The following ERC1 variants were observed in gnomAD, a reference collection of about 807,000 sequenced individuals.
ERC1 encodes the protein ELKS/RAB6-interacting/CAST family member 1, also known as RAB6 interacting protein 2.
In ERC1, 56 loss-of-function variants were observed where a neutral mutation model predicts 132.0. The observed-to-expected ratio is 0.42, with a 90% confidence interval of 0.34 to 0.53. The LOEUF is 0.53. Among genes scored for constraint, ERC1 ranks in the 20% least tolerant of loss-of-function variants. The pLI, the probability that ERC1 is intolerant of heterozygous loss-of-function variation, is 0.03. For missense variants in ERC1, 1,202 were observed against 1,349.9 expected (o/e 0.89, Z 1.72); for synonymous variants, 478 against 476.1 (o/e 1.00, Z -0.05).
At position 1,440,493 on chromosome 12, in the gene ERC1, A is replaced by G. The variant is rs992415229; in HGVS notation, c.3025-4069A>G. On this transcript the variant is annotated intron_variant, in intron 17 of 18. Transcript: ENST00000360905. ...AGTGCTGCGATTACAGGTGTGAGCCACCGCGCCCGGCCTTTTTTTTTTTTT... is the reference window on the plus strand; with the variant it reads ...AGTGCTGCGATTACAGGTGTGAGCCGCCGCGCCCGGCCTTTTTTTTTTTTT... 5.8e-5 allele frequency among the ~76,000 whole-genome samples: 8 copies of G among 138,258 alleles called. No individual in the cohort carries two copies. The South Asian group carries it at 1.6e-3, about 27-fold the overall frequency. 90.7% of individuals were successfully genotyped at this position (138,258 alleles called of 152,430 possible).
At chr12:1,299,441 C>T (rs528837767) in intron 15 of ERC1, among the ~76,000 whole-genome samples, 21 of 152,236 alleles carry the variant, frequency 1.4e-4, no homozygotes, top group Admixed American at 9.2e-4. Flanking sequence ...TGTTAGGACT[C>T]GTTTTGAACT....
At chr12:1,060,891 A>T (rs1381245664) in intron 2 of ERC1, among the ~76,000 whole-genome samples, 3 of 140,196 alleles carry the variant, frequency 2.1e-5, no homozygotes, top group African/African-American at 7.6e-5. Context: ...ACGCCTGGCT[A>T]ATTTTTTTTG....
intron 2 of ERC1, among the ~76,000 whole-genome samples, chr12:1,029,301 G>C (rs962912480): frequency 6.6e-6 from 1 of 152,052 alleles, no homozygotes; most frequent in African/African-American, 2.4e-5. Flanking sequence ...GCAGTGAGCT[G>C]AGATCCCGCC....
At chr12:1,231,245 C>G (rs557258203) in intron 12 of ERC1, among the ~76,000 whole-genome samples, 1 of 151,920 alleles carries the variant, frequency 6.6e-6, no homozygotes, top group Non-Finnish European at 1.5e-5. Flanking sequence ...CATAAGATAT[C>G]TTAGGCTGTT....
At chr12:1,435,130 G>T (rs1335446061) in intron 17 of ERC1, among the ~76,000 whole-genome samples, 1 of 152,090 alleles carries the variant, frequency 6.6e-6, no homozygotes, top group Non-Finnish European at 1.5e-5. Context: ...ATCTATTCAT[G>T]GTATATAAAA....
chr12:1,444,860 G>A, intron 18 of ERC1, 110 bp downstream of exon 18: 1 of 929,074 alleles, frequency 1.1e-6, no homozygotes, highest in Non-Finnish European at 1.6e-6. Flanking sequence ...AGTTGATGCA[G>A]TGGGGGCTAC....
chr12:1,010,684 T>TTTA (rs369604791), intron 1 of ERC1, among the ~76,000 whole-genome samples: 2,230 of 151,698 alleles, frequency 0.015, 25 homozygotes, highest in Non-Finnish European at 0.022. Flanking sequence ...CTAATTTTTT[T>TTTA]TTATTATTAT....
intron 18 of ERC1, among the ~76,000 whole-genome samples, chr12:1,480,307 T>C (rs1011352694): frequency 2.0e-5 from 3 of 152,320 alleles, no homozygotes; most frequent in East Asian, 3.9e-4. Flanking sequence ...TGTTTTGTTA[T>C]TGTTTGTTTT....
chr12:1,338,818 C>A (rs1344996376), intron 15 of ERC1, among the ~76,000 whole-genome samples: 1 of 152,132 alleles, frequency 6.6e-6, no homozygotes, highest in African/African-American at 2.4e-5. Context: ...AGGGGGCCAA[C>A]ACTCAGCTCT....
chr12:1,263,570 G>A (rs555780766), intron 14 of ERC1, among the ~76,000 whole-genome samples: 1 of 152,326 alleles, frequency 6.6e-6, no homozygotes, highest in African/African-American at 2.4e-5. Context: ...TATTTATGTA[G>A]CATGTGCTAA....
intron 5 of ERC1, 69 bp from the exon 6 acceptor site, chr12:1,112,146 C>A: frequency 1.0e-6 from 1 of 994,796 alleles, no homozygotes; most frequent in Non-Finnish European, 1.6e-6. Flanking sequence ...TACCATTCTG[C>A]CTCAAAAGTA....
intron 1 of ERC1, among the ~76,000 whole-genome samples, chr12:1,010,092 T>C (rs1964433390): frequency 6.6e-6 from 1 of 152,204 alleles, no homozygotes; most frequent in South Asian, 2.1e-4. Context: ...AGTACACATA[T>C]AAAGAATTAC....
intron 2 of ERC1, among the ~76,000 whole-genome samples, chr12:1,033,608 CGT>C (rs1968496965): frequency 6.6e-6 from 1 of 151,826 alleles, no homozygotes; most frequent in African/African-American, 2.4e-5. Context: ...GGATTACAGG[CGT>C]GTGCCACCAT....
At chr12:1,401,037 G>A (rs189761139) in intron 16 of ERC1, among the ~76,000 whole-genome samples, 29 of 135,454 alleles carry the variant, frequency 2.1e-4, no homozygotes, top group African/African-American at 6.5e-4. Flanking sequence ...CCGGGTTCAC[G>A]CCATTCTCCT....
At chr12:1,187,475 CT>C (rs1020796358) in intron 11 of ERC1, among the ~76,000 whole-genome samples, 38 of 151,902 alleles carry the variant, frequency 2.5e-4, no homozygotes, top group African/African-American at 8.7e-4. Flanking sequence ...TTGTGTTTCC[CT>C]GGCAGGTCTT....
chr12:1,203,139 C>T (rs1490598474), intron 12 of ERC1, among the ~76,000 whole-genome samples: 1 of 152,202 alleles, frequency 6.6e-6, no homozygotes, highest in Non-Finnish European at 1.5e-5. Flanking sequence ...CTCACTGCAG[C>T]CTCCACCTCC....
At chr12:1,085,138 A>G (rs11061628) in intron 3 of ERC1, among the ~76,000 whole-genome samples, 40 of 734 alleles carry the variant, frequency 0.054, 3 homozygotes, top group East Asian at 0.5. Flanking sequence ...TGCCTGGCCC[A>G]TTATTATTAT....
chr12:1,014,595 A>G (rs930828624), intron 1 of ERC1, among the ~76,000 whole-genome samples: 2 of 152,226 alleles, frequency 1.3e-5, no homozygotes, highest in African/African-American at 4.8e-5. Context: ...TTACCGTACA[A>G]ATCATTTCTG....
chr12:1,331,842 T>G (rs542217091), intron 15 of ERC1, among the ~76,000 whole-genome samples: 1 of 152,016 alleles, frequency 6.6e-6, no homozygotes, highest in African/African-American at 2.4e-5. Context: ...TAAGTTGTAT[T>G]TGAGCCCAGC....
Sources: allele counts gnomAD v4.1 joint callset (sites outside exome capture counted in the v4.1 genomes callset), GRCh38; gene constraint gnomAD v4.1.1; transcripts MANE v1.5; gene names NCBI Gene and HGNC (gene_info 2026-07-23, HGNC 2026-07-21).